The following IMMP2L variants were observed in gnomAD, a reference collection of about 807,000 sequenced individuals.
IMMP2L encodes inner mitochondrial membrane peptidase subunit 2, also known as mitochondrial inner membrane protease subunit 2.
A neutral mutation model predicts 19.3 loss-of-function variants in IMMP2L; 18 were observed. The ratio of observed to expected loss-of-function variants is 0.93; its 90% CI spans 0.64 to 1.38. The LOEUF is 1.38. Among genes scored for constraint, IMMP2L ranks in the 40% most tolerant of loss-of-function variants. The probability of loss-of-function intolerance (pLI) is 0.00; values close to 1 mark genes in which losing one functional copy is unlikely to be tolerated. For synonymous variants in IMMP2L, 76 were observed against 73.0 expected (o/e 1.04, Z -0.21); for missense variants, 233 against 218.2 (o/e 1.07, Z -0.43).
intron 5 of IMMP2L, among the ~76,000 whole-genome samples, chr7:110,825,739 A>T (rs1418641529): frequency 6.6e-6 from 1 of 152,238 alleles, no homozygotes; most frequent in African/African-American, 2.4e-5. Flanking sequence ...AAACCCTAGA[A>T]GAAAATCTAG....
At chr7:110,701,797 C>A (rs1045066670) in intron 5 of IMMP2L, among the ~76,000 whole-genome samples, 13 of 152,152 alleles carry the variant, frequency 8.5e-5, no homozygotes, top group Non-Finnish European at 1.5e-4. Context: ...TTTTAAAGAT[C>A]ACAAAATTGC....
chr7:111,392,599 C>T (rs1034802555), intron 3 of IMMP2L, among the ~76,000 whole-genome samples: 10 of 152,028 alleles, frequency 6.6e-5, no homozygotes, highest in African/African-American at 2.4e-4. Context: ...ACTCGAAGTC[C>T]CATAATTCAA....
intron 3 of IMMP2L, among the ~76,000 whole-genome samples, chr7:111,219,516 C>T (rs372518675): frequency 6.6e-6 from 1 of 151,962 alleles, no homozygotes; most frequent in Admixed American, 6.6e-5. Flanking sequence ...TAAAAATTAG[C>T]TCTAATGATA....
intron 3 of IMMP2L, among the ~76,000 whole-genome samples, chr7:111,064,096 G>T (rs1379902517): frequency 1.3e-5 from 2 of 152,166 alleles, no homozygotes. Context: ...ATTTATAAAA[G>T]AAAGGGGTTT....
At chr7:111,413,922 C>T (rs1231311664) in intron 3 of IMMP2L, among the ~76,000 whole-genome samples, 1 of 151,764 alleles carries the variant, frequency 6.6e-6, no homozygotes, top group Admixed American at 6.6e-5. Context: ...ATCAGCATCA[C>T]AAAGATACCC....
At chr7:110,857,029 T>C (rs1226275941) in intron 5 of IMMP2L, among the ~76,000 whole-genome samples, 1 of 152,110 alleles carries the variant, frequency 6.6e-6, no homozygotes, top group Non-Finnish European at 1.5e-5. Flanking sequence ...GGGGAACATC[T>C]AGCAGCTCAC....
At chr7:110,961,754 C>T (rs1309576159) in intron 4 of IMMP2L, among the ~76,000 whole-genome samples, 1 of 151,634 alleles carries the variant, frequency 6.6e-6, no homozygotes, top group Non-Finnish European at 1.5e-5. Context: ...ATAACATGCA[C>T]AATATAGAGA....
At chr7:110,692,357 G>A (rs57400068) in intron 5 of IMMP2L, among the ~76,000 whole-genome samples, 3,108 of 152,178 alleles carry the variant, frequency 0.02, 110 homozygotes, top group African/African-American at 0.071. Context: ...GAATAAATGG[G>A]AGGAGGGTGA....
At chr7:111,444,194 G>C (rs1008766312) in intron 3 of IMMP2L, among the ~76,000 whole-genome samples, 1 of 151,788 alleles carries the variant, frequency 6.6e-6, no homozygotes, top group African/African-American at 2.4e-5. Flanking sequence ...TTTTTCTGAG[G>C]GTTTAAAATA....
At chr7:110,745,733 C>T (rs1797292057) in intron 5 of IMMP2L, among the ~76,000 whole-genome samples, 1 of 152,158 alleles carries the variant, frequency 6.6e-6, no homozygotes. Flanking sequence ...GCCTGCCCTA[C>T]AGGAACTCCT....
chr7:111,512,648 C>T (rs1479454083), intron 2 of IMMP2L, among the ~76,000 whole-genome samples: 1 of 151,954 alleles, frequency 6.6e-6, no homozygotes, highest in Non-Finnish European at 1.5e-5. Context: ...CCCTGAATAG[C>T]CAAACAATCT....
rs1251299990 is a variant in IMMP2L, at chr7:110,857,206, G to A, written c.408+29387C>T. On this transcript the variant is annotated intron_variant, in intron 5 of 5. Coordinates refer to ENST00000405709, the MANE Select transcript of IMMP2L (RefSeq NM_032549.4). ...GAATTCATCAGTAATCCAAGTACTG[G>A]AGCAAACTCAAAATTCTTTCTTGGG... Among the ~76,000 whole-genome samples, 3 of 152,070 alleles carry A rather than the reference G, an allele frequency of 2.0e-5. No homozygotes were observed. The East Asian group carries it at 5.8e-4, about 29-fold the overall frequency.
intron 5 of IMMP2L, among the ~76,000 whole-genome samples, chr7:110,841,442 C>CAAAAA (rs778006251): frequency 9.6e-4 from 146 of 152,044 alleles, no homozygotes; most frequent in Non-Finnish European, 7.8e-4. Flanking sequence ...TGATAGATGA[C>CAAAAA]AAAGTAGAAT....
intron 3 of IMMP2L, among the ~76,000 whole-genome samples, chr7:111,154,542 A>G (rs745744312): frequency 7.1e-4 from 108 of 152,104 alleles, no homozygotes; most frequent in Non-Finnish European, 1.3e-3. Flanking sequence ...TAATTTCAGT[A>G]AAAAGAAAAT....
At chr7:111,308,844 C>T (rs1355839205) in intron 3 of IMMP2L, among the ~76,000 whole-genome samples, 1 of 151,908 alleles carries the variant, frequency 6.6e-6, no homozygotes, top group African/African-American at 2.4e-5. Context: ...TTCTTTTATG[C>T]CAGCTTAAAA....
At chr7:110,822,859 G>A (rs1334233784) in intron 5 of IMMP2L, among the ~76,000 whole-genome samples, 1 of 151,910 alleles carries the variant, frequency 6.6e-6, no homozygotes, top group Non-Finnish European at 1.5e-5. Flanking sequence ...CTGCTCCATT[G>A]GCCACTAAAT....
In IMMP2L at chr7:110,805,178, C is replaced by G. The variant is rs1801540558; in HGVS notation, c.408+81415G>C. ...TACTGAATAAATAAACAAAGGTGCT[C>G]AAGAAGTGTTTCATCTATTACTGAT... On this transcript the variant is annotated intron_variant, in intron 5 of 5. Transcript: ENST00000405709. 2.0e-5 allele frequency among the ~76,000 whole-genome samples: 3 copies of G among 152,024 alleles called. No individual in the cohort carries two copies. In the South Asian group the frequency reaches 6.2e-4, roughly 31 times the overall value.
chr7:110,949,994 T>C (rs1206902390), intron 4 of IMMP2L, among the ~76,000 whole-genome samples: 2 of 152,216 alleles, frequency 1.3e-5, no homozygotes, highest in African/African-American at 4.8e-5. Context: ...AAAAGTGTTT[T>C]TGTATACTTT....
chr7:111,516,211 T>C (rs1845853393), intron 2 of IMMP2L, among the ~76,000 whole-genome samples: 1 of 152,144 alleles, frequency 6.6e-6, no homozygotes, highest in African/African-American at 2.4e-5. Context: ...AGCATTAATA[T>C]ACCAATCAGC....
Sources: gnomAD v4.1 joint callset for allele counts (sites outside exome capture counted in the v4.1 genomes callset) on GRCh38, gnomAD v4.1.1 for gene constraint, MANE v1.5 for transcripts, NCBI Gene and HGNC (gene_info 2026-07-23, HGNC 2026-07-21) for gene names.